The following H1-6 variants were observed in gnomAD, a reference collection of about 807,000 sequenced individuals.
The protein encoded by H1-6 is histone H1t.
For missense variants in H1-6, 538 were observed against 246.5 expected (o/e 2.18, Z -7.92); for synonymous variants, 225 against 100.1 (o/e 2.25, Z -7.45).
rs756354718 is a variant in H1-6 at position 26,108,103 on chromosome 6, G to GA, written c.-11dup. The GA allele has an allele frequency of 1.9e-6, 3 of 1,611,952 alleles. No individual in the cohort carries two copies. In the Admixed American group the frequency reaches 5.0e-5, roughly 27 times the overall value. On this transcript the variant is annotated 5_prime_UTR_variant, in exon 1 of 1. Coordinates refer to ENST00000338379, the MANE Select transcript of H1-6 (RefSeq NM_005323.4). Reference sequence around the variant, plus strand: ...GCACGGTTTCAGACATAACAACAGAGAAACGCAAGATGTAATAACCAGCGA... The same window carrying GA: ...GCACGGTTTCAGACATAACAACAGAGAAAACGCAAGATGTAATAACCAGCGA...
Position 26,107,731 on chromosome 6 carries a change from T to C in H1-6, c.363A>G (p.Arg121=). The change falls in exon 1 of 1, where the codon AGA becomes AGG. Residue 121 remains arginine (R), a synonymous_variant. Coordinates refer to ENST00000338379, the MANE Select transcript of H1-6 (RefSeq NM_005323.4). ...LSKKVIPKST[R]SKAKKSVSAK... ...CAGAAACTGACTTTTTAGCCTTGCT[T>C]CTGGTAGATTTAGGAATCACCTTCT... is the stretch of plus-strand genomic sequence containing the variant. The C allele has an allele frequency of 6.2e-7, 1 of 1,614,222 alleles. No individual in the cohort carries two copies. Among genetic ancestry groups the C allele is most frequent in the Non-Finnish European group, 8.5e-7 (1 of 1,180,034 alleles).
chr6:26,108,083 G>A lies in H1-6; in HGVS notation c.11C>T (p.Thr4Ile), dbSNP rs1215748558. 12 of 1,613,914 alleles carry A rather than the reference G, an allele frequency of 7.4e-6. No individual in the cohort carries two copies. The highest frequency in any genetic ancestry group is 5.0e-5 in the Admixed American group (3 of 59,998). ...AGCACTGGCAGAAGCTGCAGGCACG[G>A]TTTCAGACATAACAACAGAGAAACG... The part of the protein sequence containing the change: MSE[T>I]VPAASASAGV... Residue 4 changes from threonine (T) to isoleucine (I), a missense_variant, in exon 1 of 1, where the codon ACC becomes ATC. Coordinates refer to ENST00000338379, the MANE Select transcript of H1-6 (RefSeq NM_005323.4).
Position 26,107,791 on chromosome 6 carries a change from C to T in H1-6, c.303G>A (p.Arg101=). 1.2e-6 allele frequency: 2 copies of T among 1,614,128 alleles called. No individual in the cohort carries two copies. Among genetic ancestry groups the T allele is most frequent in the African/African-American group, 1.3e-5 (1 of 75,036 alleles). The change falls in exon 1 of 1, where the codon AGG becomes AGA. Residue 101 remains arginine, a synonymous_variant. Coordinates refer to ENST00000338379, the MANE Select transcript of H1-6 (RefSeq NM_005323.4). The part of the protein sequence containing the change: ...LVNKGILVQT[R]GTGASGSFKL... The stretch of plus-strand genomic sequence containing the variant: ...TAAAGGAACCGGAAGCACCAGTACC[C>T]CTGGTTTGCACCAGGATTCCCTTGT...
Position 26,108,100 on chromosome 6 carries a change from A to G in H1-6, c.-7T>C, listed in dbSNP as rs1274726669. On this transcript the variant is annotated 5_prime_UTR_variant, in exon 1 of 1. Coordinates refer to ENST00000338379, the MANE Select transcript of H1-6 (RefSeq NM_005323.4). ...CAGGCACGGTTTCAGACATAACAAC[A>G]GAGAAACGCAAGATGTAATAACCAG... 6.2e-7 allele frequency: 1 copy of G among 1,612,136 alleles called. No homozygotes were observed. The highest frequency in any genetic ancestry group is 8.5e-7 in the Non-Finnish European group (1 of 1,179,200).
Position 26,107,487 on chromosome 6 carries a change from C to T in H1-6, c.607G>A (p.Ala203Thr), listed in dbSNP as rs1026353875. ...TQHHEVNVRK[A>T]TSKK Reference sequence around the variant, plus strand: ...AAAGCTCTTTACTTCTTAGATGTGGCCTTTCTAACATTAACTTCATGATGT... The same window carrying T: ...AAAGCTCTTTACTTCTTAGATGTGGTCTTTCTAACATTAACTTCATGATGT... Residue 203 changes from alanine to threonine, a missense_variant, in exon 1 of 1, where the codon GCC (alanine) becomes ACC (threonine). Physicochemically the swap from Ala to Thr is moderately conservative, Grantham distance 58. Transcript: ENST00000338379. 2.5e-6 allele frequency: 4 copies of T among 1,602,354 alleles called. No homozygotes were observed. The highest frequency in any genetic ancestry group is 2.5e-6 in the Non-Finnish European group (3 of 1,176,706).
At position 26,107,998 on chromosome 6, in the gene H1-6, C is replaced by A. The variant is rs746384390; in HGVS notation, c.96G>T (p.Leu32Phe). The change falls in exon 1 of 1, where the codon TTG (leucine) becomes TTT (phenylalanine). Residue 32 changes from leucine to phenylalanine, a missense_variant. Transcript: ENST00000338379. ...TCGGCACTTTGCGACTTGCACTTAT[C>A]AAGCCAGCCGGCTTCCTCCCTCGCT... ...TKKRGRKPAG[L>F]ISASRKVPNL... The A allele has an allele frequency of 6.2e-7, 1 of 1,614,224 alleles. No homozygotes were observed. Among genetic ancestry groups the A allele is most frequent in the Admixed American group, 1.7e-5 (1 of 60,022 alleles).
In H1-6 at chr6:26,108,116, T is replaced by G. The variant is rs755897663; in HGVS notation, c.-23A>C. 2 of 1,607,802 alleles carry G rather than the reference T, an allele frequency of 1.2e-6. No individual in the cohort carries two copies. The highest frequency in any genetic ancestry group is 1.1e-5 in the South Asian group (1 of 90,558). On this transcript the variant is annotated 5_prime_UTR_variant, in exon 1 of 1. Transcript: ENST00000338379. ...CATAACAACAGAGAAACGCAAGATG[T>G]AATAACCAGCGAAAAGCATGAAACA...
In H1-6 at chr6:26,107,611, A is replaced by G. The variant is rs920467563; in HGVS notation, c.483T>C (p.Pro161=). The G allele has an allele frequency of 8.1e-6, 13 of 1,613,992 alleles. No homozygotes were observed. Among genetic ancestry groups the G allele is most frequent in the Non-Finnish European group, 1.1e-5 (13 of 1,180,028 alleles). ...CCTTTCTCCCGCTCCTAACAGTTTT[A>G]GGAGTTGTCGCTCTCGGCTTCTTGG... The part of the protein sequence containing the change: ...KRAKKPRATT[P]KTVRSGRKAK... Residue 161 remains proline, a synonymous_variant, in exon 1 of 1, where the codon CCT becomes CCC. Coordinates refer to ENST00000338379, the MANE Select transcript of H1-6 (RefSeq NM_005323.4).
chr6:26,107,643 T>G lies in H1-6; in HGVS notation c.451A>C (p.Lys151Gln). ...GTCGCTCTCGGCTTCTTGGCTCTCTTATTGGTTTTAGCAGTCTTTGGTGAC... is the reference window on the plus strand; with the variant it reads ...GTCGCTCTCGGCTTCTTGGCTCTCTGATTGGTTTTAGCAGTCTTTGGTGAC... ...SKSPKTAKTN[K>Q]RAKKPRATTP... The change falls in exon 1 of 1, where the codon AAG becomes CAG. Residue 151 changes from lysine (K) to glutamine (Q), a missense_variant. Physicochemically the swap from Lys to Gln is moderately conservative, Grantham distance 53. Coordinates refer to ENST00000338379, the MANE Select transcript of H1-6 (RefSeq NM_005323.4). 6.2e-7 allele frequency: 1 copy of G among 1,614,172 alleles called. No homozygotes were observed. Among genetic ancestry groups the G allele is most frequent in the Non-Finnish European group, 8.5e-7 (1 of 1,180,022 alleles).
rs151043274 is a variant in H1-6 at position 26,108,072 on chromosome 6, C to T, written c.22G>A (p.Ala8Thr). The T allele has an allele frequency of 1.9e-6, 3 of 1,613,980 alleles. No homozygotes were observed. Among genetic ancestry groups the T allele is most frequent in the African/African-American group, 1.3e-5 (1 of 74,910 alleles). Reference protein sequence around the residue: MSETVPAASASAGVAAME... With the variant: MSETVPATSASAGVAAME... ...GCGGCTACACCAGCACTGGCAGAAG[C>T]TGCAGGCACGGTTTCAGACATAACA... is the stretch of plus-strand genomic sequence containing the variant. Residue 8 changes from alanine to threonine, a missense_variant, in exon 1 of 1, where the codon GCT (alanine) becomes ACT (threonine). Transcript: ENST00000338379.
rs769794056 is a variant in H1-6, at chr6:26,108,048, C to T, written c.46G>A (p.Ala16Thr). ...PAASASAGVA[A>T]MEKLPTKKRG... ...TTCTTGGTTGGAAGTTTCTCCATAG[C>T]GGCTACACCAGCACTGGCAGAAGCT... Residue 16 changes from alanine to threonine, a missense_variant, in exon 1 of 1, where the codon GCT becomes ACT. By Grantham distance (58) the Ala-to-Thr change is moderately conservative. Transcript: ENST00000338379. The T allele has an allele frequency of 2.5e-6, 4 of 1,614,134 alleles. No individual in the cohort carries two copies. The highest frequency in any genetic ancestry group is 2.5e-6 in the Non-Finnish European group (3 of 1,180,012).
chr6:26,108,103 G>T lies in H1-6; in HGVS notation c.-10C>A, dbSNP rs367700408. 2 of 1,612,068 alleles carry T rather than the reference G, an allele frequency of 1.2e-6. No individual in the cohort carries two copies. The highest frequency in any genetic ancestry group is 1.7e-6 in the Non-Finnish European group (2 of 1,179,110). ...GCACGGTTTCAGACATAACAACAGA[G>T]AAACGCAAGATGTAATAACCAGCGA... On this transcript the variant is annotated 5_prime_UTR_variant, in exon 1 of 1. Transcript: ENST00000338379.
chr6:26,107,711 A>G lies in H1-6; in HGVS notation c.383T>C (p.Val128Ala), dbSNP rs200248413. 1 of 1,614,146 alleles carries G rather than the reference A, an allele frequency of 6.2e-7. No individual in the cohort carries two copies. The highest frequency in any genetic ancestry group is 1.7e-5 in the Admixed American group (1 of 60,020). The stretch of plus-strand genomic sequence containing the variant: ...AACCAGCTTCTTGGTCTTGGCAGAA[A>G]CTGACTTTTTAGCCTTGCTTCTGGT... ...KSTRSKAKKS[V>A]SAKTKKLVLS... The change falls in exon 1 of 1, where the codon GTT (valine) becomes GCT (alanine). Residue 128 changes from valine (V) to alanine (A), a missense_variant. Transcript: ENST00000338379.
chr6:26,107,947 G>C lies in H1-6; in HGVS notation c.147C>G (p.Thr49=), dbSNP rs767139424. 1 of 1,614,150 alleles carries C rather than the reference G, an allele frequency of 6.2e-7. No individual in the cohort carries two copies. Among genetic ancestry groups the C allele is most frequent in the East Asian group, 2.2e-5 (1 of 44,882 alleles). ...VPNLSVSKLI[T]EALSVSQERV... ...GTTCCTGTGACACTGAAAGGGCCTC[G>C]GTGATCAACTTGGACACAGAGAGGT... Residue 49 remains threonine (T), a synonymous_variant, in exon 1 of 1, where the codon ACC becomes ACG. Transcript: ENST00000338379.
Position 26,107,592 on chromosome 6 carries a change from T to A in H1-6, c.502A>T (p.Arg168Ter), listed in dbSNP as rs35191055. 2.6e-4 allele frequency: 425 copies of A among 1,614,226 alleles called. 3 individuals carry two copies. In the African/African-American group the frequency reaches 4.7e-3, roughly 18 times the overall value. ...ATTPKTVRSG[R>*]KAKGAKGKQQ... ...TTACCCTTGGCTCCTTTAGCCTTTC[T>A]CCCGCTCCTAACAGTTTTAGGAGTT... Residue 168 changes from arginine to a stop codon, truncating the protein, a stop_gained, in exon 1 of 1, where the codon AGA becomes TGA. Transcript: ENST00000338379. LOFTEE classifies it low-confidence loss of function (END_TRUNC).
Position 26,108,008 on chromosome 6 carries a change from G to T in H1-6, c.86C>A (p.Pro29Gln). The T allele has an allele frequency of 1.2e-6, 2 of 1,614,158 alleles. No individual in the cohort carries two copies. The highest frequency in any genetic ancestry group is 1.7e-6 in the Non-Finnish European group (2 of 1,180,038). Residue 29 changes from proline (P) to glutamine (Q), a missense_variant, in exon 1 of 1, where the codon CCG becomes CAG. Coordinates refer to ENST00000338379, the MANE Select transcript of H1-6 (RefSeq NM_005323.4). Reference protein sequence around the residue: ...KLPTKKRGRKPAGLISASRKV... With the variant: ...KLPTKKRGRKQAGLISASRKV... ...GCGACTTGCACTTATCAAGCCAGCC[G>T]GCTTCCTCCCTCGCTTCTTGGTTGG...
Position 26,107,831 on chromosome 6 carries a change from A to C in H1-6, c.263T>G (p.Leu88Arg), listed in dbSNP as rs1763296728. Residue 88 changes from leucine to arginine, a missense_variant, in exon 1 of 1, where the codon CTC becomes CGC. Coordinates refer to ENST00000338379, the MANE Select transcript of H1-6 (RefSeq NM_005323.4). Reference protein sequence around the residue: ...EKNNSRIKLSLKSLVNKGILV... With the variant: ...EKNNSRIKLSRKSLVNKGILV... ...GATTCCCTTGTTCACTAAGCTCTTG[A>C]GGGACAGTTTGATGCGGCTGTTATT... 6.2e-7 allele frequency: 1 copy of C among 1,614,094 alleles called. No homozygotes were observed. Among genetic ancestry groups the C allele is most frequent in the African/African-American group, 1.3e-5 (1 of 74,926 alleles).
In H1-6 at chr6:26,107,725, C is replaced by G. The variant is rs148486296; in HGVS notation, c.369G>C (p.Lys123Asn). ...KKVIPKSTRS[K>N]AKKSVSAKTK... Reference sequence around the variant, plus strand: ...TCTTGGCAGAAACTGACTTTTTAGCCTTGCTTCTGGTAGATTTAGGAATCA... The same window carrying G: ...TCTTGGCAGAAACTGACTTTTTAGCGTTGCTTCTGGTAGATTTAGGAATCA... The change falls in exon 1 of 1, where the codon AAG (lysine) becomes AAC (asparagine). Residue 123 changes from lysine (K) to asparagine (N), a missense_variant. Physicochemically the swap from Lys to Asn is moderately conservative, Grantham distance 94 (BLOSUM62 0). Coordinates refer to ENST00000338379, the MANE Select transcript of H1-6 (RefSeq NM_005323.4). The G allele has an allele frequency of 2.5e-6, 4 of 1,614,174 alleles. No homozygotes were observed. In the South Asian group the frequency reaches 4.4e-5, roughly 18 times the overall value.
chr6:26,107,827 C>CT lies in H1-6; in HGVS notation c.266dup (p.Ser90GlufsTer21). On this transcript the variant is annotated frameshift_variant, in exon 1 of 1. Coordinates refer to ENST00000338379, the MANE Select transcript of H1-6 (RefSeq NM_005323.4). LOFTEE classifies it low-confidence loss of function (END_TRUNC). ...CCAGGATTCCCTTGTTCACTAAGCT[C>CT]TTGAGGGACAGTTTGATGCGGCTGT... 1 of 1,614,198 alleles carries CT rather than the reference C, an allele frequency of 6.2e-7. No individual in the cohort carries two copies. Among genetic ancestry groups the CT allele is most frequent in the Non-Finnish European group, 8.5e-7 (1 of 1,180,042 alleles).
Sources: allele counts gnomAD v4.1 joint callset, GRCh38; gene constraint gnomAD v4.1.1; transcripts MANE v1.5; gene names NCBI Gene and HGNC (gene_info 2026-07-23, HGNC 2026-07-21).